The following KIFC3 variants were observed in gnomAD, a reference collection of about 807,000 sequenced individuals.
KIFC3 encodes the protein kinesin family member C3.
KIFC3 carries 60 observed loss-of-function variants against 101.8 expected under a neutral mutation model. That is an observed-to-expected ratio of 0.59 (90% CI 0.48 to 0.73). The LOEUF (loss-of-function observed/expected upper bound fraction) is 0.73. Among genes scored for constraint, KIFC3 ranks in the 30% least tolerant of loss-of-function variants. KIFC3 has a pLI of 0.00. For missense variants in KIFC3, 966 were observed against 1,137.1 expected (o/e 0.85, Z 2.16); for synonymous variants, 476 against 482.7 (o/e 0.99, Z 0.18).
intron 3 of KIFC3, chr16:57,776,159 G>T: frequency 2.0e-6 from 2 of 985,508 alleles, no homozygotes; most frequent in Non-Finnish European, 2.4e-6. Flanking sequence ...ACGATCATCA[G>T]CTGTCTGCTG....
At chr16:57,794,078 C>G (rs1280797900) in intron 3 of KIFC3, among the ~76,000 whole-genome samples, 1 of 152,088 alleles carries the variant, frequency 6.6e-6, no homozygotes, top group Non-Finnish European at 1.5e-5. Flanking sequence ...ATACTGTATC[C>G]TGAGATTGTT....
At chr16:57,775,212 G>A in intron 3 of KIFC3, 2 of 1,332,648 alleles carry the variant, frequency 1.5e-6, no homozygotes. Flanking sequence ...ACCAGGGCAG[G>A]CTGGGGAGCA....
At chr16:57,846,182 CTGG>C (rs1229841612) in intron 1 of KIFC3, among the ~76,000 whole-genome samples, 1 of 152,178 alleles carries the variant, frequency 6.6e-6, no homozygotes, top group African/African-American at 2.4e-5. Flanking sequence ...TGGTGATGGC[CTGG>C]TGGAGGGAGA....
At chr16:57,816,773 T>C (rs1555628938) in intron 1 of KIFC3, 1 of 455,360 alleles carries the variant, frequency 2.2e-6, no homozygotes, top group East Asian at 7.0e-5. Context: ...CAGCCACCCC[T>C]TCCAGGCAGG....
intron 3 of KIFC3, among the ~76,000 whole-genome samples, chr16:57,778,899 C>T (rs1555613119): frequency 1.3e-5 from 2 of 152,104 alleles, no homozygotes; most frequent in Non-Finnish European, 2.9e-5. Flanking sequence ...AGCGAGACCT[C>T]ATCTCTACAA....
At chr16:57,760,578 G>T in intron 16 of KIFC3, 148 bp downstream of exon 16, 1 of 1,073,760 alleles carries the variant, frequency 9.3e-7, no homozygotes. Context: ...GTCAAAGGTG[G>T]AGAGGAGGGA....
At chr16:57,843,132 TC>T (rs1427216688) in intron 1 of KIFC3, among the ~76,000 whole-genome samples, 2 of 151,968 alleles carry the variant, frequency 1.3e-5, no homozygotes, top group African/African-American at 4.8e-5. Context: ...AAATTCTGTC[TC>T]AAAAAATATA....
chr16:57,807,921 T>G (rs1598182633), upstream of KIFC3: 1 of 91,830 alleles, frequency 1.1e-5, no homozygotes, highest in Admixed American at 1.7e-4. Context: ...CAGAGCAAGA[T>G]CCTGTCTTAA....
At chr16:57,791,718 C>T (rs1343575952) in intron 3 of KIFC3, among the ~76,000 whole-genome samples, 8 of 152,166 alleles carry the variant, frequency 5.3e-5, no homozygotes, top group Non-Finnish European at 1.0e-4. Context: ...ATAATCAAAG[C>T]TCAAGAACAG....
chr16:57,760,819 G>A lies in KIFC3; in HGVS notation c.2139C>T (p.Ser713=). 6.2e-7 allele frequency: 1 copy of A among 1,613,504 alleles called. No homozygotes were observed. Among genetic ancestry groups the A allele is most frequent in the African/African-American group, 1.3e-5 (1 of 75,058 alleles). The change falls in exon 16 of 20, where the codon TCC becomes TCT. Residue 713 remains serine, a synonymous_variant. Transcript: ENST00000445690. ...TGCGGAAGGGCACGTGGCCCTGGCGGGAGCGCAGGGCAGCAATGACGTCCC... is the reference window on the plus strand; with the variant it reads ...TGCGGAAGGGCACGTGGCCCTGGCGAGAGCGCAGGGCAGCAATGACGTCCC... ...ALGDVIAALR[S]RQGHVPFRNS...
chr16:57,804,075 T>C (rs1555626465), upstream of KIFC3, among the ~76,000 whole-genome samples: 1 of 152,212 alleles, frequency 6.6e-6, no homozygotes, highest in African/African-American at 2.4e-5. Context: ...ACATTGACAT[T>C]AACTGTAGGT....
intron 1 of KIFC3, among the ~76,000 whole-genome samples, chr16:57,859,264 A>G (rs542455804): frequency 6.6e-6 from 1 of 152,358 alleles, no homozygotes; most frequent in South Asian, 2.1e-4. Context: ...GTGCCTGATC[A>G]CAAAGAGGAG....
chr16:57,790,380 CTTTTTT>C lies in KIFC3; in HGVS notation c.315+4613_315+4618del, dbSNP rs200519923. ...TACAAGCATGAGCCACCATGCCCAGCTTTTTTTTTTTTTTTTTTCATATCAACAGAG... is the reference window on the plus strand; with the variant it reads ...TACAAGCATGAGCCACCATGCCCAGCTTTTTTTTTTTTCATATCAACAGAG... On this transcript the variant is annotated intron_variant, in intron 3 of 19. Coordinates refer to ENST00000445690, the MANE Select transcript of KIFC3 (RefSeq NM_001130100.2). Among the ~76,000 whole-genome samples, 751 of 129,206 alleles carry C rather than the reference CTTTTTT, an allele frequency of 5.8e-3. 8 individuals are homozygous for C. The highest frequency in any genetic ancestry group is 0.04 in the South Asian group (162 of 4,066). 84.8% of individuals were successfully genotyped at this position (129,206 alleles called of 152,430 possible). A position where few individuals can be genotyped will look rare whatever the true frequency, so the allele number is the denominator to read the frequency against.
Position 57,769,493 on chromosome 16 carries a change from A to T in KIFC3, c.1218+102T>A. ...GGGGTGGGGCAGGGGCTGCTGTCTG[A>T]GCGGCTTTGTCTGAGCTTTGGAGGG... On this transcript the variant is annotated intron_variant, in intron 9 of 19. Transcript: ENST00000445690. The surrounding 1 kb of genome is among the most constrained non-coding windows in gnomAD (Gnocchi z 4.3). The T allele has an allele frequency of 6.9e-7, 1 of 1,443,450 alleles. No homozygotes were observed. Among genetic ancestry groups the T allele is most frequent in the Non-Finnish European group, 9.3e-7 (1 of 1,071,460 alleles). 89.4% of individuals were successfully genotyped at this position (1,443,450 alleles called of 1,614,324 possible). A position where few individuals can be genotyped will look rare whatever the true frequency, so the allele number is the denominator to read the frequency against.
At chr16:57,801,737 A>G (rs2054738785) in intron 1 of KIFC3, among the ~76,000 whole-genome samples, 2 of 152,236 alleles carry the variant, frequency 1.3e-5, no homozygotes, top group Admixed American at 1.3e-4. Context: ...AATATCTCCC[A>G]GGACCAGGCC....
chr16:57,762,037 C>T, intron 13 of KIFC3, 103 bp downstream of exon 13: 1 of 1,414,050 alleles, frequency 7.1e-7, no homozygotes, highest in South Asian at 1.4e-5. Flanking sequence ...GAGGCCTGCT[C>T]CCCACATACT....
chr16:57,768,917 A>C (rs2050818357), intron 9 of KIFC3, among the ~76,000 whole-genome samples: 1 of 152,246 alleles, frequency 6.6e-6, no homozygotes, highest in Non-Finnish European at 1.5e-5. Flanking sequence ...CAATAATCTC[A>C]GCACTGCGGG....
chr16:57,764,090 C>T (rs536707521), intron 12 of KIFC3, 53 bp downstream of exon 12: 226 of 1,299,248 alleles, frequency 1.7e-4, no homozygotes, highest in Non-Finnish European at 2.4e-4. Context: ...TGAGGGAGCC[C>T]GCATTCCCTT....
intron 1 of KIFC3, among the ~76,000 whole-genome samples, chr16:57,858,873 T>G (rs1302371263): frequency 2.0e-5 from 3 of 152,040 alleles, no homozygotes; most frequent in Non-Finnish European, 4.4e-5. Flanking sequence ...TAGCTTGAAC[T>G]GGGGAAATCA....
Sources: allele counts gnomAD v4.1 joint callset (sites outside exome capture counted in the v4.1 genomes callset), GRCh38; gene constraint gnomAD v4.1.1; non-coding constraint Gnocchi (gnomAD v3.1); transcripts MANE v1.5; gene names NCBI Gene and HGNC (gene_info 2026-07-23, HGNC 2026-07-21).